Variants in JAK2 observed in about 807,000 individuals in gnomAD.
The protein encoded by JAK2 is tyrosine-protein kinase JAK2.
A neutral mutation model predicts 139.3 loss-of-function variants in JAK2; 86 were observed. The ratio of observed to expected loss-of-function variants is 0.62; its 90% CI spans 0.52 to 0.74. The LOEUF (loss-of-function observed/expected upper bound fraction) is 0.74. JAK2 is among the 30% of genes least tolerant of loss of function. The probability of loss-of-function intolerance (pLI) is 0.00; values close to 1 mark genes in which losing one functional copy is unlikely to be tolerated. For synonymous variants in JAK2, 490 were observed against 437.7 expected, an observed-to-expected ratio of 1.12 and a Z score of -1.49; for missense variants, 1,421 against 1,360.3, an observed-to-expected ratio of 1.04 and a Z score of -0.70.
intron 23 of JAK2, 37 bp from the exon 24 acceptor site, chr9:5,126,296 A>T: frequency 7.0e-7 from 1 of 1,420,520 alleles, no homozygotes. Flanking sequence ...GCTACAAATT[A>T]AATGTACAAA....
chr9:5,089,235 T>A (rs1387396397), intron 19 of JAK2, among the ~76,000 whole-genome samples: 1 of 152,170 alleles, frequency 6.6e-6, no homozygotes, highest in Non-Finnish European at 1.5e-5. Flanking sequence ...AGTTCCTTAA[T>A]ATAAGCTTAA....
chr9:5,000,963 C>G (rs1223486161), intron 2 of JAK2, among the ~76,000 whole-genome samples: 1 of 152,034 alleles, frequency 6.6e-6, no homozygotes, highest in Non-Finnish European at 1.5e-5. Context: ...TCAGCAAATT[C>G]CCAAGATAGC....
intron 22 of JAK2, chr9:5,109,441 C>T (rs186237336): frequency 1.1e-4 from 17 of 152,266 alleles, no homozygotes; most frequent in East Asian, 3.9e-4. Context: ...GGATTGGAGT[C>T]ATCCGTTGGC....
At chr9:5,030,537 A>C (rs1823076228) in intron 4 of JAK2, among the ~76,000 whole-genome samples, 1 of 152,138 alleles carries the variant, frequency 6.6e-6, no homozygotes, top group Admixed American at 6.5e-5. Flanking sequence ...TTCCACATTA[A>C]AGATAAAGAA....
chr9:5,086,066 T>C, intron 19 of JAK2: 1 of 690,694 alleles, frequency 1.4e-6, no homozygotes. Context: ...TAAAATAGGG[T>C]ATCTGAGACA....
chr9:5,122,774 A>G (rs189428803), intron 22 of JAK2, among the ~76,000 whole-genome samples: 2 of 152,052 alleles, frequency 1.3e-5, no homozygotes, highest in African/African-American at 4.8e-5. Context: ...TGTACAAACA[A>G]TCTAGGCATA....
At chr9:5,033,897 C>A (rs1490720954) in intron 4 of JAK2, among the ~76,000 whole-genome samples, 1 of 152,120 alleles carries the variant, frequency 6.6e-6, no homozygotes, top group East Asian at 1.9e-4. Flanking sequence ...ACAATATTAA[C>A]CTTAAACGTA....
intron 19 of JAK2, among the ~76,000 whole-genome samples, chr9:5,082,204 C>G (rs1011246543): frequency 6.6e-6 from 1 of 152,238 alleles, no homozygotes; most frequent in Non-Finnish European, 1.5e-5. Flanking sequence ...TCTGAGTTTC[C>G]TCAGTATTTA....
intron 18 of JAK2, among the ~76,000 whole-genome samples, chr9:5,081,436 TACTC>T (rs1357428111): frequency 2.0e-5 from 3 of 152,186 alleles, no homozygotes; most frequent in African/African-American, 7.2e-5. Context: ...ACCCCAGTAC[TACTC>T]ACCTTTCTCA....
In JAK2 at chr9:5,054,522, T is replaced by G. The variant is rs1817629695; in HGVS notation, c.615-41T>G. The G allele has an allele frequency of 6.9e-7, 1 of 1,441,238 alleles. No homozygotes were observed. Among genetic ancestry groups the G allele is most frequent in the African/African-American group, 1.4e-5 (1 of 69,990 alleles). 89.3% of individuals were successfully genotyped at this position (1,441,238 alleles called of 1,614,324 possible). On this transcript the variant is annotated intron_variant, in intron 6 of 24. Coordinates refer to ENST00000381652, the MANE Select transcript of JAK2 (RefSeq NM_004972.4). The surrounding 1 kb of genome is among the most constrained non-coding windows in gnomAD (Gnocchi z 4.9). ...ATTTTTAGATTTATCTTCCAATTTTTGTTTTGTTTTGTTTTTCTGTATGTG... is the reference window on the plus strand; with the variant it reads ...ATTTTTAGATTTATCTTCCAATTTTGGTTTTGTTTTGTTTTTCTGTATGTG...
chr9:5,097,556 C>T (rs1230313254), intron 22 of JAK2: 1 of 152,032 alleles, frequency 6.6e-6, no homozygotes, highest in African/African-American at 2.4e-5. Flanking sequence ...GACATAGACA[C>T]AGACACATGA....
At chr9:4,987,692 CACCACTG>C (rs140263719) in intron 2 of JAK2, among the ~76,000 whole-genome samples, 15 of 48,460 alleles carry the variant, frequency 3.1e-4, no homozygotes, top group African/African-American at 4.0e-4. Flanking sequence ...GCCGAGATCT[CACCACTG>C]CACTCCAGGC....
intron 4 of JAK2, among the ~76,000 whole-genome samples, chr9:5,030,588 G>A (rs920419552): frequency 2.6e-5 from 4 of 152,026 alleles, no homozygotes; most frequent in African/African-American, 9.7e-5. Flanking sequence ...ATTTATTCAT[G>A]GTCACACAGG....
intron 22 of JAK2, among the ~76,000 whole-genome samples, chr9:5,120,423 A>G (rs1823527761): frequency 1.3e-5 from 2 of 152,198 alleles, no homozygotes; most frequent in African/African-American, 4.8e-5. Context: ...CCATGATATC[A>G]TTTTTTTAAA....
intron 18 of JAK2, among the ~76,000 whole-genome samples, chr9:5,081,188 C>T (rs144291825): frequency 2.0e-5 from 3 of 151,850 alleles, no homozygotes; most frequent in African/African-American, 4.8e-5. Flanking sequence ...AGCCACCGCT[C>T]CCAGCCAAAA....
chr9:5,022,693 AT>A (rs1207279233), intron 3 of JAK2, among the ~76,000 whole-genome samples: 1 of 152,108 alleles, frequency 6.6e-6, no homozygotes, highest in African/African-American at 2.4e-5. Context: ...TCTTGAAATC[AT>A]TTTTACTCTT....
intron 3 of JAK2, among the ~76,000 whole-genome samples, chr9:5,023,376 C>T (rs1250197603): frequency 1.3e-5 from 2 of 152,086 alleles, no homozygotes; most frequent in East Asian, 1.9e-4. Context: ...CAGGGGAGTA[C>T]GCATTCTGTT....
At chr9:5,100,628 T>C (rs7870694) in intron 22 of JAK2, 60,108 of 152,092 alleles carry the variant, frequency 0.4, 13,878 homozygotes, top group African/African-American at 0.65. Flanking sequence ...GAAGTACCTT[T>C]CTGAATACAT....
intron 2 of JAK2, among the ~76,000 whole-genome samples, chr9:4,994,656 G>A (rs144267835): frequency 1.6e-4 from 25 of 152,256 alleles, no homozygotes; most frequent in Middle Eastern, 3.4e-3. Flanking sequence ...ATGAACAGAC[G>A]TGGCTCATGG....
Sources: allele counts gnomAD v4.1 joint callset (sites outside exome capture counted in the v4.1 genomes callset), GRCh38; gene constraint gnomAD v4.1.1; non-coding constraint Gnocchi (gnomAD v3.1); transcripts MANE v1.5; gene names NCBI Gene and HGNC (gene_info 2026-07-23, HGNC 2026-07-21).